FRMD4A: variants seen among roughly 807,000 people sequenced by gnomAD.
FRMD4A encodes FERM domain containing 4A.
FRMD4A carries 29 observed loss-of-function variants against 129.1 expected under a neutral mutation model. That is an observed-to-expected ratio of 0.22 (90% CI 0.17 to 0.31). The LOEUF (loss-of-function observed/expected upper bound fraction) is 0.31. FRMD4A is among the 10% of genes least tolerant of loss of function. FRMD4A has a pLI of 1.00. For missense variants in FRMD4A, 1,272 were observed against 1,375.8 expected (o/e 0.92, Z 1.19); for synonymous variants, 634 against 571.6 (o/e 1.11, Z -1.56).
Position 14,330,884 on chromosome 10 carries a change from C to G in FRMD4A, c.-369G>C. On this transcript the variant is annotated 5_prime_UTR_variant, in exon 1 of 25. Transcript: ENST00000357447. ...TTGCACTGCCTGTTCTGTGAGCGTT[C>G]TGATCTCCCTGGCTGTACCACATGT... 1 of 398,718 alleles carries G rather than the reference C, an allele frequency of 2.5e-6. No homozygotes were observed. Among genetic ancestry groups the G allele is most frequent in the Non-Finnish European group, 4.4e-6 (1 of 226,140 alleles). 24.7% of individuals were successfully genotyped at this position (398,718 alleles called of 1,614,324 possible). A position where few individuals can be genotyped will look rare whatever the true frequency, so the allele number is the denominator to read the frequency against.
chr10:14,281,147 CA>C (rs983917692), intron 2 of FRMD4A, among the ~76,000 whole-genome samples: 2 of 152,036 alleles, frequency 1.3e-5, no homozygotes, highest in African/African-American at 4.8e-5. Context: ...AGCACACCAC[CA>C]CACCCAGCTA....
chr10:13,656,392 G>T (rs1281012450), intron 22 of FRMD4A, among the ~76,000 whole-genome samples: 1 of 152,196 alleles, frequency 6.6e-6, no homozygotes, highest in Non-Finnish European at 1.5e-5. Context: ...AGCTGGCCCA[G>T]TGCACTCTGG....
At chr10:13,818,400 C>T (rs1351672550) in intron 3 of FRMD4A, among the ~76,000 whole-genome samples, 3 of 152,114 alleles carry the variant, frequency 2.0e-5, no homozygotes, top group African/African-American at 7.2e-5. Flanking sequence ...GAACTCCTGG[C>T]CTCAAGTGAC....
chr10:14,246,422 C>T (rs983171957), intron 2 of FRMD4A, among the ~76,000 whole-genome samples: 2 of 151,950 alleles, frequency 1.3e-5, no homozygotes, highest in Non-Finnish European at 2.9e-5. Flanking sequence ...CACGCATACA[C>T]ACTTTCATGC....
Position 13,791,440 on chromosome 10 carries a change from C to T in FRMD4A, c.299+5056G>A, listed in dbSNP as rs146608465. On this transcript the variant is annotated intron_variant, in intron 5 of 24. Coordinates refer to ENST00000357447, the MANE Select transcript of FRMD4A (RefSeq NM_018027.5). ...GTGTGGCAGGACCAGTCCAACCCTG[C>T]GGGTGGGTGTGTGTGTGAGAGAAAG... is the stretch of plus-strand genomic sequence containing the variant. 5.2e-3 allele frequency among the ~76,000 whole-genome samples: 539 copies of T among 103,498 alleles called. 3 individuals are homozygous for T. The highest frequency in any genetic ancestry group is 8.3e-3 in the African/African-American group (268 of 32,478). 67.9% of individuals were successfully genotyped at this position (103,498 alleles called of 152,430 possible). A position where few individuals can be genotyped will look rare whatever the true frequency, so the allele number is the denominator to read the frequency against.
Position 14,318,934 on chromosome 10 carries a change from G to A in FRMD4A, c.45+11124C>T, listed in dbSNP as rs138933264. 5.4e-4 allele frequency among the ~76,000 whole-genome samples: 82 copies of A among 152,296 alleles called. No homozygotes were observed. The East Asian group carries it at 0.011, about 20-fold the overall frequency. The stretch of plus-strand genomic sequence containing the variant: ...TGACTTCTGAGGCTAGGTTATGAGC[G>A]ATCATATGGCTCTGCCTGGCTAGCT... On this transcript the variant is annotated intron_variant, in intron 2 of 24. Coordinates refer to ENST00000357447, the MANE Select transcript of FRMD4A (RefSeq NM_018027.5).
chr10:14,011,895 G>C (rs2131636310), intron 2 of FRMD4A, among the ~76,000 whole-genome samples: 1 of 152,224 alleles, frequency 6.6e-6, no homozygotes, highest in East Asian at 1.9e-4. Context: ...TGTCATCCCA[G>C]CTACTTGGGA....
intron 12 of FRMD4A, among the ~76,000 whole-genome samples, chr10:13,731,778 A>G (rs1421459175): frequency 6.6e-6 from 1 of 151,874 alleles, no homozygotes; most frequent in Non-Finnish European, 1.5e-5. Context: ...TGCATTGTAG[A>G]TTCTGATTTT....
At chr10:13,956,440 C>CATACA (rs1238498840) in intron 2 of FRMD4A, among the ~76,000 whole-genome samples, 1 of 152,352 alleles carries the variant, frequency 6.6e-6, no homozygotes, top group African/African-American at 2.4e-5. Context: ...GCATGAGCCA[C>CATACA]TATGTCCAGC....
chr10:13,812,312 T>A (rs896918787), intron 3 of FRMD4A, among the ~76,000 whole-genome samples: 1 of 152,190 alleles, frequency 6.6e-6, no homozygotes, highest in Non-Finnish European at 1.5e-5. Flanking sequence ...TAGGTTTAAA[T>A]GAGTTTATGA....
intron 2 of FRMD4A, among the ~76,000 whole-genome samples, chr10:14,077,696 C>T (rs539467653): frequency 6.6e-6 from 1 of 152,194 alleles, no homozygotes; most frequent in East Asian, 1.9e-4. Context: ...AGCAATCTCC[C>T]CTTAAGTTCT....
intron 2 of FRMD4A, among the ~76,000 whole-genome samples, chr10:13,893,804 C>A (rs766176536): frequency 6.6e-6 from 1 of 152,226 alleles, no homozygotes; most frequent in Admixed American, 6.5e-5. Flanking sequence ...AGCCACCGCA[C>A]CCAGCTCAGA....
At chr10:13,747,565 A>G (rs1407087819) in intron 9 of FRMD4A, among the ~76,000 whole-genome samples, 171 bp downstream of exon 9, 27 of 152,040 alleles carry the variant, frequency 1.8e-4, no homozygotes, top group Non-Finnish European at 1.5e-5. Context: ...AAAATAAATA[A>G]ATAAATAAAT....
intron 15 of FRMD4A, chr10:13,685,788 G>A (rs757361712): frequency 3.2e-5 from 6 of 186,106 alleles, no homozygotes; most frequent in Non-Finnish European, 6.1e-5. Flanking sequence ...GGGCGACAGA[G>A]CGAGACCCTG....
intron 2 of FRMD4A, among the ~76,000 whole-genome samples, chr10:14,154,718 G>T (rs1413201580): frequency 6.6e-6 from 1 of 152,126 alleles, no homozygotes; most frequent in African/African-American, 2.4e-5. Context: ...TCTTCTGTGG[G>T]TTCTTTTGAG....
At chr10:13,684,158 A>G (rs954895859) in intron 15 of FRMD4A, 1 of 177,046 alleles carries the variant, frequency 5.6e-6, no homozygotes, top group African/African-American at 2.4e-5. Context: ...TACTAAAGAT[A>G]GAATCTGTTG....
At chr10:13,806,469 T>C (rs552234906) in intron 4 of FRMD4A, among the ~76,000 whole-genome samples, 5 of 152,222 alleles carry the variant, frequency 3.3e-5, no homozygotes, top group Non-Finnish European at 7.3e-5. Context: ...GTTCTCCTAC[T>C]GTTAGGAATG....
chr10:13,703,370 T>G (rs2087061017), intron 13 of FRMD4A, among the ~76,000 whole-genome samples: 1 of 152,098 alleles, frequency 6.6e-6, no homozygotes, highest in African/African-American at 2.4e-5. Flanking sequence ...CTGGAGAAGC[T>G]CAGAAATGAA....
At chr10:13,837,282 C>A (rs2093891563) in intron 3 of FRMD4A, among the ~76,000 whole-genome samples, 1 of 152,182 alleles carries the variant, frequency 6.6e-6, no homozygotes, top group Non-Finnish European at 1.5e-5. Flanking sequence ...TTCTCCCTCC[C>A]TTAATATGGT....
Sources: allele counts gnomAD v4.1 joint callset (sites outside exome capture counted in the v4.1 genomes callset), GRCh38; gene constraint gnomAD v4.1.1; transcripts MANE v1.5; gene names NCBI Gene and HGNC (gene_info 2026-07-23, HGNC 2026-07-21).